The following RBFOX1 variants were observed in gnomAD, a reference collection of about 807,000 sequenced individuals.
RBFOX1 encodes the protein RNA binding protein fox-1 homolog 1.
RBFOX1 carries 8 observed loss-of-function variants against 57.7 expected under a neutral mutation model. That is an observed-to-expected ratio of 0.14 (90% CI 0.08 to 0.25). The LOEUF is 0.25. Ranked by LOEUF, RBFOX1 falls within the 10% of genes least tolerant of loss-of-function variation. The pLI is 1.00. For synonymous variants in RBFOX1, 326 were observed against 222.4 expected (o/e 1.47, Z -4.15); for missense variants, 611 against 548.5 (o/e 1.11, Z -1.14).
intron 4 of RBFOX1, among the ~76,000 whole-genome samples, chr16:7,175,588 C>T (rs9937791): frequency 0.033 from 5,034 of 152,184 alleles, 281 homozygotes; most frequent in African/African-American, 0.12. Flanking sequence ...CCCATTTGTG[C>T]ATAAGGCACA....
At chr16:5,961,738 G>A (rs1479126686) in intron 4 of RBFOX1, among the ~76,000 whole-genome samples, 2 of 152,030 alleles carry the variant, frequency 1.3e-5, no homozygotes, top group Non-Finnish European at 2.9e-5. Context: ...TTGTTGCCCA[G>A]GCTGGTCTCA....
chr16:5,345,159 C>T (rs1018871530), intron 1 of RBFOX1, among the ~76,000 whole-genome samples: 16 of 152,014 alleles, frequency 1.1e-4, no homozygotes, highest in African/African-American at 3.6e-4. Flanking sequence ...GTCCTTGAAG[C>T]GAGAGGCAGG....
intron 6 of RBFOX1, among the ~76,000 whole-genome samples, chr16:7,585,934 G>A (rs899615778): frequency 4.0e-5 from 6 of 151,740 alleles, no homozygotes; most frequent in East Asian, 1.9e-4. Context: ...CACCCCAGTC[G>A]CTCTGTCCGC....
chr16:6,414,296 C>G (rs866675818), intron 2 of RBFOX1, among the ~76,000 whole-genome samples: 1 of 152,152 alleles, frequency 6.6e-6, no homozygotes, highest in Non-Finnish European at 1.5e-5. Context: ...GACATATGTA[C>G]TTATATATGT....
intron 2 of RBFOX1, among the ~76,000 whole-genome samples, chr16:6,519,283 G>T (rs1284262110): frequency 1.3e-5 from 2 of 152,156 alleles, no homozygotes; most frequent in Non-Finnish European, 2.9e-5. Flanking sequence ...AATGAAATGA[G>T]AATAGTCAGG....
chr16:6,260,849 C>A (rs1280323042), intron 1 of RBFOX1, among the ~76,000 whole-genome samples: 1 of 151,972 alleles, frequency 6.6e-6, no homozygotes, highest in Non-Finnish European at 1.5e-5. Flanking sequence ...TGACTTCCTT[C>A]CAGCCTGGGC....
intron 4 of RBFOX1, among the ~76,000 whole-genome samples, chr16:7,158,583 G>A (rs1379531374): frequency 6.6e-6 from 1 of 152,006 alleles, no homozygotes; most frequent in Non-Finnish European, 1.5e-5. Flanking sequence ...TGTGTGGTGT[G>A]TATGTGCCTG....
chr16:6,837,836 C>T lies in RBFOX1; in HGVS notation c.-16+183186C>T, dbSNP rs185647524. On this transcript the variant is annotated intron_variant, in intron 3 of 15. Coordinates refer to ENST00000550418, the MANE Select transcript of RBFOX1 (RefSeq NM_018723.4). ...TGAGGTAGCACTTGGGACTCCACTT[C>T]AGACCACATTGAAGACTGGCGGAAA... Among the ~76,000 whole-genome samples the T allele has an allele frequency of 1.1e-4, 17 of 152,258 alleles. No individual in the cohort carries two copies. In the East Asian group the frequency reaches 3.1e-3, roughly 28 times the overall value.
At position 6,536,286 on chromosome 16, in the gene RBFOX1, T is replaced by C. The variant is rs558508549; in HGVS notation, c.-63-118317T>C. Among the ~76,000 whole-genome samples the C allele has an allele frequency of 3.3e-5, 5 of 152,308 alleles. No homozygotes were observed. In the South Asian group the frequency reaches 8.3e-4, roughly 25 times the overall value. ...AAGAGTCTTTGAATACTTTCCTGTC[T>C]CCAGCAAATCTCGTGGGAAGGAAAA... is the stretch of plus-strand genomic sequence containing the variant. On this transcript the variant is annotated intron_variant, in intron 2 of 15. Coordinates refer to ENST00000550418, the MANE Select transcript of RBFOX1 (RefSeq NM_018723.4).
At chr16:7,104,642 C>A (rs113040002) in intron 4 of RBFOX1, among the ~76,000 whole-genome samples, 1 of 152,264 alleles carries the variant, frequency 6.6e-6, no homozygotes, top group African/African-American at 2.4e-5. Flanking sequence ...TGGGTATTTA[C>A]ATCGGGACAC....
chr16:7,266,553 A>C (rs538943032), intron 4 of RBFOX1, among the ~76,000 whole-genome samples: 2 of 152,144 alleles, frequency 1.3e-5, no homozygotes, highest in East Asian at 3.9e-4. Flanking sequence ...TCATGCCCTC[A>C]TCTAAATCTA....
intron 3 of RBFOX1, among the ~76,000 whole-genome samples, chr16:6,716,037 G>C (rs369567594): frequency 6.6e-6 from 1 of 152,144 alleles, no homozygotes; most frequent in African/African-American, 2.4e-5. Flanking sequence ...GCCACTTACG[G>C]TTTTGTGAGC....
intron 3 of RBFOX1, among the ~76,000 whole-genome samples, chr16:6,730,228 A>C (rs2068191288): frequency 1.3e-5 from 2 of 152,138 alleles, no homozygotes; most frequent in Admixed American, 6.6e-5. Context: ...GCAAATATAT[A>C]TGGTTCATAT....
At position 5,534,218 on chromosome 16, in the gene RBFOX1, G is replaced by A. The variant is rs866260712; in HGVS notation, c.259-64684G>A. ...GGCATTTTCAGCTTTAGTGGTGGGT[G>A]TTGGGATTTGTCATCTACCAAGTCA... On this transcript the variant is annotated intron_variant, in intron 2 of 2. Coordinates refer to the RBFOX1 transcript ENST00000585867. Among the ~76,000 whole-genome samples the A allele has an allele frequency of 4.6e-5, 7 of 152,298 alleles. No individual in the cohort carries two copies. The South Asian group carries it at 1.5e-3, about 32-fold the overall frequency.
At chr16:7,355,113 A>G (rs1393221723) in intron 4 of RBFOX1, among the ~76,000 whole-genome samples, 5 of 152,232 alleles carry the variant, frequency 3.3e-5, no homozygotes, top group Admixed American at 3.3e-4. Context: ...CTATCACCCA[A>G]GCTTTGAATG....
intron 1 of RBFOX1, among the ~76,000 whole-genome samples, chr16:6,158,960 T>C (rs1006834756): frequency 3.3e-5 from 5 of 151,934 alleles, no homozygotes; most frequent in Non-Finnish European, 7.4e-5. Context: ...TGGAGTACAG[T>C]AGTGCACTCT....
chr16:6,662,850 G>A (rs2098709979), intron 3 of RBFOX1, among the ~76,000 whole-genome samples: 2 of 152,082 alleles, frequency 1.3e-5, no homozygotes, highest in African/African-American at 2.4e-5. Flanking sequence ...TTACTTCAAC[G>A]AGCTATTTCT....
intron 4 of RBFOX1, among the ~76,000 whole-genome samples, chr16:7,197,827 C>A (rs1344374051): frequency 6.6e-6 from 1 of 152,052 alleles, no homozygotes; most frequent in African/African-American, 2.4e-5. Flanking sequence ...CAAAAGGTCA[C>A]ATGTTATTCC....
intron 1 of RBFOX1, among the ~76,000 whole-genome samples, chr16:5,301,969 T>C (rs1221975311): frequency 1.3e-5 from 2 of 152,190 alleles, no homozygotes; most frequent in African/African-American, 4.8e-5. Context: ...CATTTTTATT[T>C]TCTTTCTTAT....
Sources: allele counts gnomAD v4.1 joint callset (sites outside exome capture counted in the v4.1 genomes callset), GRCh38; gene constraint gnomAD v4.1.1; transcripts MANE v1.5; gene names NCBI Gene and HGNC (gene_info 2026-07-23, HGNC 2026-07-21).